HSPA6: variants seen among roughly 807,000 people sequenced by gnomAD.
The protein encoded by HSPA6 is heat shock protein family A (Hsp70) member 6, also known as heat shock 70 kDa protein 6.
For missense variants in HSPA6, 718 were observed against 860.9 expected, an observed-to-expected ratio of 0.83 and a Z score of 2.08; for synonymous variants, 312 against 368.2, an observed-to-expected ratio of 0.85 and a Z score of 1.75.
Position 161,526,827 on chromosome 1 carries a change from T to C in HSPA6, c.*237T>C. 2 of 434,458 alleles carry C rather than the reference T, an allele frequency of 4.6e-6. No homozygotes were observed. The highest frequency in any genetic ancestry group is 8.4e-6 in the Non-Finnish European group (2 of 237,702). 26.9% of individuals were successfully genotyped at this position (434,458 alleles called of 1,614,324 possible). On this transcript the variant is annotated 3_prime_UTR_variant, in exon 1 of 1. Coordinates refer to ENST00000309758, the MANE Select transcript of HSPA6 (RefSeq NM_002155.5). ...GTGGCACTTTAACATTGCTTTCACCTATATTTTGTGTACTTTGTTACTTGC... is the reference window on the plus strand; with the variant it reads ...GTGGCACTTTAACATTGCTTTCACCCATATTTTGTGTACTTTGTTACTTGC...
chr1:161,526,495 T>C lies in HSPA6; in HGVS notation c.1837T>C (p.Tyr613His). 2 of 1,600,074 alleles carry C rather than the reference T, an allele frequency of 1.2e-6. No individual in the cohort carries two copies. Among genetic ancestry groups the C allele is most frequent in the Admixed American group, 1.7e-5 (1 of 58,672 alleles). The change falls in exon 1 of 1, where the codon TAT becomes CAT. Residue 613 changes from tyrosine (Y) to histidine (H), a missense_variant. By Grantham distance (83) the Tyr-to-His change is moderately conservative. Coordinates refer to ENST00000309758, the MANE Select transcript of HSPA6 (RefSeq NM_002155.5). ...QICRPIFSRLYGGPGVPGGSS... is the reference protein window; with the variant it reads ...QICRPIFSRLHGGPGVPGGSS... ...CTGTCGCCCCATCTTCTCCAGGCTC[T>C]ATGGGGGGCCTGGTGTCCCTGGGGG...
chr1:161,525,688 C>T lies in HSPA6; in HGVS notation c.1030C>T (p.Arg344Cys), dbSNP rs760084677. Reference protein sequence around the residue: ...HDVVLVGGSTRIPKVQKLLQD... With the variant: ...HDVVLVGGSTCIPKVQKLLQD... ...CGTCGTCCTGGTGGGGGGCTCCACA[C>T]GCATCCCCAAGGTGCAGAAGTTGCT... The change falls in exon 1 of 1, where the codon CGC becomes TGC. Residue 344 changes from arginine (R) to cysteine (C), a missense_variant. Coordinates refer to ENST00000309758, the MANE Select transcript of HSPA6 (RefSeq NM_002155.5). The T allele has an allele frequency of 1.2e-6, 2 of 1,613,650 alleles. No individual in the cohort carries two copies. Among genetic ancestry groups the T allele is most frequent in the South Asian group, 1.1e-5 (1 of 91,002 alleles).
At position 161,526,447 on chromosome 1, in the gene HSPA6, C is replaced by G. The variant is rs759004813; in HGVS notation, c.1789C>G (p.Gln597Glu). ...QLAEKEEYEHQKRELEQICRP... is the reference protein window; with the variant it reads ...QLAEKEEYEHEKRELEQICRP... ...GGCAGAGAAGGAGGAGTATGAGCAT[C>G]AGAAGAGGGAGCTGGAGCAAATCTG... The change falls in exon 1 of 1, where the codon CAG (glutamine) becomes GAG (glutamate). Residue 597 changes from glutamine (Q) to glutamate (E), a missense_variant. Gln to Glu is a conservative substitution (Grantham distance 29, BLOSUM62 2). Transcript: ENST00000309758. 6.5e-5 allele frequency: 103 copies of G among 1,580,938 alleles called. No homozygotes were observed. Among genetic ancestry groups the G allele is most frequent in the Non-Finnish European group, 8.3e-5 (97 of 1,162,498 alleles).
chr1:161,525,566 G>C lies in HSPA6; in HGVS notation c.908G>C (p.Arg303Pro), dbSNP rs747352949. 2 of 1,613,474 alleles carry C rather than the reference G, an allele frequency of 1.2e-6. No homozygotes were observed. The highest frequency in any genetic ancestry group is 2.7e-5 in the African/African-American group (2 of 75,014). The change falls in exon 1 of 1, where the codon CGC (arginine) becomes CCC (proline). Residue 303 changes from arginine (R) to proline (P), a missense_variant. By Grantham distance (103) the Arg-to-Pro change is moderately radical. Coordinates refer to ENST00000309758, the MANE Select transcript of HSPA6 (RefSeq NM_002155.5). ...TTCTACACGTCCATCACTCGTGCCC[G>C]CTTTGAGGAACTGTGCTCAGACCTC... ...VDFYTSITRA[R>P]FEELCSDLFR...
At position 161,526,390 on chromosome 1, in the gene HSPA6, G is replaced by C. The variant is rs1251201961; in HGVS notation, c.1732G>C (p.Glu578Gln). ...DRRKMQDKCR[E>Q]VLAWLEHNQL... ...GCGCAAAATGCAAGACAAGTGTCGG[G>C]AAGTCCTTGCCTGGCTGGAGCACAA... Residue 578 changes from glutamate (E) to glutamine (Q), a missense_variant, in exon 1 of 1, where the codon GAA becomes CAA. Coordinates refer to ENST00000309758, the MANE Select transcript of HSPA6 (RefSeq NM_002155.5). 6.3e-7 allele frequency: 1 copy of C among 1,596,950 alleles called. No homozygotes were observed. Among genetic ancestry groups the C allele is most frequent in the African/African-American group, 1.3e-5 (1 of 74,556 alleles).
Position 161,526,155 on chromosome 1 carries a change from G to A in HSPA6, c.1497G>A (p.Lys499=). Reference sequence around the variant, plus strand: ...CAGCCACTGACAGGAGCACAGGTAAGGCTAACAAGATCACCATCACCAATG... The same window carrying A: ...CAGCCACTGACAGGAGCACAGGTAAAGCTAACAAGATCACCATCACCAATG... ...SVTATDRSTG[K]ANKITITNDK... Residue 499 remains lysine, a synonymous_variant, in exon 1 of 1, where the codon AAG becomes AAA. Transcript: ENST00000309758. 1 of 1,613,800 alleles carries A rather than the reference G, an allele frequency of 6.2e-7. No individual in the cohort carries two copies. The highest frequency in any genetic ancestry group is 8.5e-7 in the Non-Finnish European group (1 of 1,179,866).
rs755394706 is a variant in HSPA6, at chr1:161,526,543, C to A, written c.1885C>A (p.Arg629Ser). ...GGGCAGCAGTTGTGGCACTCAAGCC[C>A]GCCAGGGGGACCCCAGCACCGGCCC... ...PGGSSCGTQARQGDPSTGPII... is the reference protein window; with the variant it reads ...PGGSSCGTQASQGDPSTGPII... Residue 629 changes from arginine to serine, a missense_variant, in exon 1 of 1, where the codon CGC becomes AGC. By Grantham distance (110) the Arg-to-Ser change is moderately radical. Coordinates refer to ENST00000309758, the MANE Select transcript of HSPA6 (RefSeq NM_002155.5). 6.3e-7 allele frequency: 1 copy of A among 1,590,160 alleles called. No individual in the cohort carries two copies. The highest frequency in any genetic ancestry group is 8.6e-7 in the Non-Finnish European group (1 of 1,166,060).
At position 161,524,906 on chromosome 1, in the gene HSPA6, C is replaced by A; in HGVS notation, c.248C>A (p.Thr83Asn). Residue 83 changes from threonine (T) to asparagine (N), a missense_variant, in exon 1 of 1, where the codon ACC (threonine) becomes AAC (asparagine). By Grantham distance (65) the Thr-to-Asn change is moderately conservative (BLOSUM62 0). Coordinates refer to ENST00000309758, the MANE Select transcript of HSPA6 (RefSeq NM_002155.5). ...KRLIGRKFADTTVQSDMKHWP... is the reference protein window; with the variant it reads ...KRLIGRKFADNTVQSDMKHWP... ...CTGATCGGGCGCAAGTTCGCGGACA[C>A]CACGGTGCAGTCGGACATGAAGCAC... 1.9e-6 allele frequency: 3 copies of A among 1,613,426 alleles called. No individual in the cohort carries two copies. Among genetic ancestry groups the A allele is most frequent in the Non-Finnish European group, 2.5e-6 (3 of 1,179,850 alleles).
Position 161,526,550 on chromosome 1 carries a change from G to T in HSPA6, c.1892G>T (p.Gly631Val). ...GSSCGTQARQ[G>V]DPSTGPIIEE... ...AGTTGTGGCACTCAAGCCCGCCAGG[G>T]GGACCCCAGCACCGGCCCCATCATT... The change falls in exon 1 of 1, where the codon GGG becomes GTG. Residue 631 changes from glycine to valine, a missense_variant. By Grantham distance (109) the Gly-to-Val change is moderately radical. Coordinates refer to ENST00000309758, the MANE Select transcript of HSPA6 (RefSeq NM_002155.5). 6.3e-7 allele frequency: 1 copy of T among 1,586,062 alleles called. No homozygotes were observed. Among genetic ancestry groups the T allele is most frequent in the Non-Finnish European group, 8.6e-7 (1 of 1,164,146 alleles).
In HSPA6 at chr1:161,526,332, A is replaced by G; in HGVS notation, c.1674A>G (p.Glu558=). 1 of 1,606,070 alleles carries G rather than the reference A, an allele frequency of 6.2e-7. No homozygotes were observed. Among genetic ancestry groups the G allele is most frequent in the Non-Finnish European group, 8.5e-7 (1 of 1,175,768 alleles). The part of the protein sequence containing the change: ...VFHVKGSLQE[E]SLRDKIPEED... ...ATGTGAAAGGTTCTTTGCAAGAGGA[A>G]AGCCTTAGGGACAAGATTCCCGAAG... The change falls in exon 1 of 1, where the codon GAA becomes GAG. Residue 558 remains glutamate (E), a synonymous_variant. Coordinates refer to ENST00000309758, the MANE Select transcript of HSPA6 (RefSeq NM_002155.5).
In HSPA6 at chr1:161,526,673, A is replaced by G; in HGVS notation, c.*83A>G. 7.4e-7 allele frequency: 1 copy of G among 1,354,526 alleles called. No homozygotes were observed. The highest frequency in any genetic ancestry group is 9.8e-7 in the Non-Finnish European group (1 of 1,019,530). The allele number at this position is 1,354,526 out of a possible 1,614,324, so 83.9% of individuals were successfully genotyped here. ...ACTGTCTTCTATGATCCTGCCCTTC[A>G]GAGATGAACTTTCCCTCCAAAGCTA... On this transcript the variant is annotated 3_prime_UTR_variant, in exon 1 of 1. Transcript: ENST00000309758.
In HSPA6 at chr1:161,525,232, G is replaced by A. The variant is rs1313409442; in HGVS notation, c.574G>A (p.Ala192Thr). 3 of 1,614,016 alleles carry A rather than the reference G, an allele frequency of 1.9e-6. No homozygotes were observed. The highest frequency in any genetic ancestry group is 2.2e-5 in the East Asian group (1 of 44,876). ...CGCCTATGGGCTGGACCGGCGGGGCGCGGGAGAGCGCAACGTGCTCATTTT... is the reference window on the plus strand; with the variant it reads ...CGCCTATGGGCTGGACCGGCGGGGCACGGGAGAGCGCAACGTGCTCATTTT... Reference protein sequence around the residue: ...AIAYGLDRRGAGERNVLIFDL... With the variant: ...AIAYGLDRRGTGERNVLIFDL... The change falls in exon 1 of 1, where the codon GCG (alanine) becomes ACG (threonine). Residue 192 changes from alanine (A) to threonine (T), a missense_variant. Physicochemically the swap from Ala to Thr is moderately conservative, Grantham distance 58. Coordinates refer to ENST00000309758, the MANE Select transcript of HSPA6 (RefSeq NM_002155.5).
Position 161,526,215 on chromosome 1 carries a change from G to A in HSPA6, c.1557G>A (p.Arg519=), listed in dbSNP as rs758041407. 12 of 1,613,838 alleles carry A rather than the reference G, an allele frequency of 7.4e-6. No homozygotes were observed. Among genetic ancestry groups the A allele is most frequent in the African/African-American group, 1.3e-5 (1 of 74,856 alleles). ...KGRLSKEEVE[R]MVHEAEQYKA... ...GGCTGAGCAAGGAGGAGGTGGAGAG[G>A]ATGGTTCATGAAGCCGAGCAGTACA... The change falls in exon 1 of 1, where the codon AGG becomes AGA. Residue 519 remains arginine (R), a synonymous_variant. Coordinates refer to ENST00000309758, the MANE Select transcript of HSPA6 (RefSeq NM_002155.5).
chr1:161,526,094 C>G lies in HSPA6; in HGVS notation c.1436C>G (p.Thr479Ser), dbSNP rs753638985. 1 of 1,613,772 alleles carries G rather than the reference C, an allele frequency of 6.2e-7. No individual in the cohort carries two copies. Among genetic ancestry groups the G allele is most frequent in the Non-Finnish European group, 8.5e-7 (1 of 1,179,854 alleles). Residue 479 changes from threonine (T) to serine (S), a missense_variant, in exon 1 of 1, where the codon ACT becomes AGT. Physicochemically the swap from Thr to Ser is moderately conservative, Grantham distance 58. Coordinates refer to ENST00000309758, the MANE Select transcript of HSPA6 (RefSeq NM_002155.5). The part of the protein sequence containing the change: ...APRGVPQIEV[T>S]FDIDANGILS... ...CGTGGAGTCCCCCAGATAGAGGTGA[C>G]TTTTGACATTGATGCTAATGGCATC...
Position 161,525,924 on chromosome 1 carries a change from C to A in HSPA6, c.1266C>A (p.Ile422=). 1 of 1,607,768 alleles carries A rather than the reference C, an allele frequency of 6.2e-7. No individual in the cohort carries two copies. The highest frequency in any genetic ancestry group is 8.5e-7 in the Non-Finnish European group (1 of 1,176,638). ...CGCTGATCCAGAGGAACGCCACTATCCCCACCAAGCAGACCCAGACTTTCA... is the reference window on the plus strand; with the variant it reads ...CGCTGATCCAGAGGAACGCCACTATACCCACCAAGCAGACCCAGACTTTCA... The part of the protein sequence containing the change: ...MTTLIQRNAT[I]PTKQTQTFTT... The change falls in exon 1 of 1, where the codon ATC becomes ATA. Residue 422 remains isoleucine (I), a synonymous_variant. Transcript: ENST00000309758.
chr1:161,525,933 G>C lies in HSPA6; in HGVS notation c.1275G>C (p.Lys425Asn), dbSNP rs766436986. 3.7e-6 allele frequency: 6 copies of C among 1,611,294 alleles called. No individual in the cohort carries two copies. Among genetic ancestry groups the C allele is most frequent in the Non-Finnish European group, 5.1e-6 (6 of 1,178,570 alleles). ...LIQRNATIPT[K>N]QTQTFTTYSD... Reference sequence around the variant, plus strand: ...AGAGGAACGCCACTATCCCCACCAAGCAGACCCAGACTTTCACCACCTACT... The same window carrying C: ...AGAGGAACGCCACTATCCCCACCAACCAGACCCAGACTTTCACCACCTACT... Residue 425 changes from lysine to asparagine, a missense_variant, in exon 1 of 1, where the codon AAG (lysine) becomes AAC (asparagine). Coordinates refer to ENST00000309758, the MANE Select transcript of HSPA6 (RefSeq NM_002155.5).
In HSPA6 at chr1:161,526,069, C is replaced by G; in HGVS notation, c.1411C>G (p.Arg471Gly). 11 of 1,613,830 alleles carry G rather than the reference C, an allele frequency of 6.8e-6. No individual in the cohort carries two copies. Among genetic ancestry groups the G allele is most frequent in the Non-Finnish European group, 9.3e-6 (11 of 1,179,868 alleles). ...ACTCAGTGGCATCCCTCCTGCCCCA[C>G]GTGGAGTCCCCCAGATAGAGGTGAC... is the stretch of plus-strand genomic sequence containing the variant. ...FELSGIPPAP[R>G]GVPQIEVTFD... Residue 471 changes from arginine (R) to glycine (G), a missense_variant, in exon 1 of 1, where the codon CGT becomes GGT. Coordinates refer to ENST00000309758, the MANE Select transcript of HSPA6 (RefSeq NM_002155.5).
rs1288776732 is a variant in HSPA6, at chr1:161,526,688, C to T, written c.*98C>T. 7.7e-6 allele frequency: 10 copies of T among 1,305,264 alleles called. No individual in the cohort carries two copies. The South Asian group carries it at 2.0e-4, about 26-fold the overall frequency. 80.9% of individuals were successfully genotyped at this position (1,305,264 alleles called of 1,614,324 possible). On this transcript the variant is annotated 3_prime_UTR_variant, in exon 1 of 1. Transcript: ENST00000309758. Reference sequence around the variant, plus strand: ...CCTGCCCTTCAGAGATGAACTTTCCCTCCAAAGCTAGAACTTTCTTCCCAG... The same window carrying T: ...CCTGCCCTTCAGAGATGAACTTTCCTTCCAAAGCTAGAACTTTCTTCCCAG...
In HSPA6 at chr1:161,526,090, G is replaced by A. The variant is rs1217046857; in HGVS notation, c.1432G>A (p.Val478Met). 2 of 1,613,708 alleles carry A rather than the reference G, an allele frequency of 1.2e-6. No individual in the cohort carries two copies. Among genetic ancestry groups the A allele is most frequent in the Non-Finnish European group, 1.7e-6 (2 of 1,179,888 alleles). Residue 478 changes from valine to methionine, a missense_variant, in exon 1 of 1, where the codon GTG (valine) becomes ATG (methionine). By Grantham distance (21) the Val-to-Met change is conservative. Transcript: ENST00000309758. ...PAPRGVPQIE[V>M]TFDIDANGIL... ...CCCACGTGGAGTCCCCCAGATAGAG[G>A]TGACTTTTGACATTGATGCTAATGG... is the stretch of plus-strand genomic sequence containing the variant.
Sources: allele counts gnomAD v4.1 joint callset, GRCh38; gene constraint gnomAD v4.1.1; transcripts MANE v1.5; gene names NCBI Gene and HGNC (gene_info 2026-07-23, HGNC 2026-07-21).